INPP5A: variants seen among roughly 807,000 people sequenced by gnomAD.
The protein encoded by INPP5A is 43 kDa inositol polyphosphate 5-phophatase.
A neutral mutation model predicts 65.2 loss-of-function variants in INPP5A; 14 were observed. The observed-to-expected ratio is 0.21, with a 90% CI of 0.14 to 0.34. The LOEUF (loss-of-function observed/expected upper bound fraction) is 0.34, where lower values mean the gene tolerates loss of function less well. Ranked by LOEUF, INPP5A falls within the 10% of genes least tolerant of loss-of-function variation. INPP5A has a pLI of 1.00. For synonymous variants in INPP5A, 207 were observed against 208.3 expected, an observed-to-expected ratio of 0.99 and a Z score of 0.05; for missense variants, 431 against 545.6, an observed-to-expected ratio of 0.79 and a Z score of 2.09.
At chr10:132,738,802 G>A (rs1846223629) in intron 9 of INPP5A, among the ~76,000 whole-genome samples, 2 of 152,338 alleles carry the variant, frequency 1.3e-5, no homozygotes, top group South Asian at 4.1e-4. Context: ...CTCGGATGCT[G>A]ACGCCAACAT....
At chr10:132,541,823 C>G (rs2070909884) in intron 1 of INPP5A, among the ~76,000 whole-genome samples, 1 of 152,238 alleles carries the variant, frequency 6.6e-6, no homozygotes, top group South Asian at 2.1e-4. Flanking sequence ...TCATGGGCAC[C>G]CCTGTCTCTG....
At chr10:132,708,183 C>T (rs761786872) in intron 6 of INPP5A, 130 bp from the exon 7 acceptor site, 10 of 742,706 alleles carry the variant, frequency 1.3e-5, no homozygotes, top group Admixed American at 8.9e-5. Flanking sequence ...AGTGGGGCGG[C>T]ATCAGTGCCG....
At chr10:132,719,215 C>T (rs919701196) in intron 8 of INPP5A, among the ~76,000 whole-genome samples, 6 of 147,732 alleles carry the variant, frequency 4.1e-5, no homozygotes, top group African/African-American at 7.5e-5. Context: ...GCACCTTAGA[C>T]GACTGTCTTG....
chr10:132,710,260 G>T, intron 7 of INPP5A, 77 bp from the exon 8 acceptor site: 1 of 1,543,284 alleles, frequency 6.5e-7, no homozygotes, highest in South Asian at 1.2e-5. Context: ...TATCTTCCCG[G>T]GGACTCCTTG....
intron 1 of INPP5A, among the ~76,000 whole-genome samples, chr10:132,602,676 C>T (rs751816225): frequency 1.3e-5 from 2 of 152,212 alleles, no homozygotes; most frequent in African/African-American, 2.4e-5. Context: ...GATAATTTTA[C>T]TTCTTCCGTT....
At position 132,651,609 on chromosome 10, in the gene INPP5A, G is replaced by A. The variant is rs1050158395; in HGVS notation, c.306+1104G>A. 9.9e-5 allele frequency among the ~76,000 whole-genome samples: 15 copies of A among 152,272 alleles called. No individual in the cohort carries two copies. The highest frequency in any genetic ancestry group is 1.9e-4 in the East Asian group (1 of 5,170). The stretch of plus-strand genomic sequence containing the variant: ...AGCGCCCACTAGCCGTCATTGCGCC[G>A]TCACGTGACAGGCCCTTGTTAATCT... On this transcript the variant is annotated intron_variant, in intron 4 of 15. Coordinates refer to ENST00000368594, the MANE Select transcript of INPP5A (RefSeq NM_005539.5). The surrounding 1 kb of genome is among the most constrained non-coding windows in gnomAD (Gnocchi z 5.0).
At chr10:132,572,181 C>A (rs2071350527) in intron 1 of INPP5A, among the ~76,000 whole-genome samples, 1 of 152,214 alleles carries the variant, frequency 6.6e-6, no homozygotes, top group African/African-American at 2.4e-5. Context: ...CCCAGGTGTG[C>A]CGAGAGGCTG....
intron 1 of INPP5A, among the ~76,000 whole-genome samples, chr10:132,541,083 G>T (rs557713093): frequency 1.4e-5 from 2 of 146,278 alleles, no homozygotes; most frequent in South Asian, 2.2e-4. Flanking sequence ...AGCCTCGACC[G>T]CCCTGACTCA....
chr10:132,612,668 C>T (rs2071976253), intron 2 of INPP5A, among the ~76,000 whole-genome samples: 1 of 152,192 alleles, frequency 6.6e-6, no homozygotes, highest in South Asian at 2.1e-4. Flanking sequence ...GGCCCTTGCC[C>T]CTTGCCTGGC....
intron 1 of INPP5A, among the ~76,000 whole-genome samples, 165 bp from the exon 2 acceptor site, chr10:132,607,750 C>T (rs577619471): frequency 1.0e-4 from 16 of 152,386 alleles, no homozygotes; most frequent in African/African-American, 3.4e-4. Flanking sequence ...GGGGTCCCCG[C>T]GTGGGCCTGG....
intron 1 of INPP5A, among the ~76,000 whole-genome samples, chr10:132,540,854 A>T (rs1351128217): frequency 6.6e-6 from 1 of 152,200 alleles, no homozygotes. Context: ...CACAGTTCCG[A>T]GGAGGAAGGT....
intron 3 of INPP5A, among the ~76,000 whole-genome samples, chr10:132,647,985 C>G (rs1413811728): frequency 6.6e-6 from 1 of 152,210 alleles, no homozygotes; most frequent in Non-Finnish European, 1.5e-5. Flanking sequence ...CATGTTTGAA[C>G]TAAGCATTTG....
chr10:132,649,747 C>T (rs1280588409), intron 3 of INPP5A, among the ~76,000 whole-genome samples: 1 of 152,162 alleles, frequency 6.6e-6, no homozygotes, highest in African/African-American at 2.4e-5. Flanking sequence ...CAGACGGGGC[C>T]TCGTCCTCCG....
rs190375418 is a variant in INPP5A, at chr10:132,726,818, C to T, written c.648-3C>T. ...CGGTAACAAGTCCTCTTTTTCTTTC[C>T]AGAATCATTGATCAGCGATTCGAGA... is the stretch of plus-strand genomic sequence containing the variant. On this transcript the variant is annotated splice_polypyrimidine_tract_variant and splice_region_variant and intron_variant, in intron 8 of 15. Coordinates refer to ENST00000368594, the MANE Select transcript of INPP5A (RefSeq NM_005539.5). 2.4e-5 allele frequency: 39 copies of T among 1,594,690 alleles called. No individual in the cohort carries two copies. In the African/African-American group the frequency reaches 5.0e-4, roughly 20 times the overall value.
At chr10:132,689,173 C>T (rs1845212182) in intron 4 of INPP5A, among the ~76,000 whole-genome samples, 1 of 152,214 alleles carries the variant, frequency 6.6e-6, no homozygotes, top group Admixed American at 6.5e-5. Flanking sequence ...AGGGATGCAC[C>T]ACGCCCTGTG....
chr10:132,719,079 C>T (rs1193305258), intron 8 of INPP5A, among the ~76,000 whole-genome samples: 3 of 148,778 alleles, frequency 2.0e-5, no homozygotes, highest in African/African-American at 7.4e-5. Flanking sequence ...CTCGCGGGTT[C>T]TGTGGTACCT....
rs1845365617 is a variant in INPP5A at position 132,697,610 on chromosome 10, A to G, written c.371-206A>G. On this transcript the variant is annotated intron_variant, in intron 5 of 15. Coordinates refer to ENST00000368594, the MANE Select transcript of INPP5A (RefSeq NM_005539.5). This position sits in a 1 kb window ranked among gnomAD's most constrained non-coding sequence, Gnocchi z 5.6. ...GGAGTGGAGTGTCAGATTCCAGGTC[A>G]TGGGAGGGGAATTTATGAGCCACAG... Among the ~76,000 whole-genome samples the G allele has an allele frequency of 6.6e-6, 1 of 152,042 alleles. No individual in the cohort carries two copies.
chr10:132,654,401 G>A (rs1458370543), intron 4 of INPP5A, among the ~76,000 whole-genome samples: 1 of 152,272 alleles, frequency 6.6e-6, no homozygotes, highest in Non-Finnish European at 1.5e-5. Context: ...CTGGTGCCAG[G>A]CGGGCCTGTC....
At chr10:132,735,121 G>C (rs780345649) in intron 9 of INPP5A, among the ~76,000 whole-genome samples, 6 of 152,206 alleles carry the variant, frequency 3.9e-5, no homozygotes, top group African/African-American at 9.7e-5. Context: ...GTGAGACCCT[G>C]TGGGCTCCAT....
Sources: gnomAD v4.1 joint callset for allele counts (sites outside exome capture counted in the v4.1 genomes callset) on GRCh38, gnomAD v4.1.1 for gene constraint, Gnocchi (gnomAD v3.1) non-coding constraint, MANE v1.5 for transcripts, NCBI Gene and HGNC (gene_info 2026-07-23, HGNC 2026-07-21) for gene names.